Variants in ADAM9 observed in about 807,000 individuals in gnomAD.
The protein encoded by ADAM9 is ADAM metallopeptidase domain 9, also known as disintegrin and metalloproteinase domain-containing protein 9.
In ADAM9, 54 loss-of-function variants were observed where a neutral mutation model predicts 108.1. The observed-to-expected ratio is 0.50, with a 90% CI of 0.40 to 0.63. ADAM9 has a LOEUF of 0.63. Among genes scored for constraint, ADAM9 ranks in the 20% least tolerant of loss-of-function variants. The probability of loss-of-function intolerance (pLI) is 0.00; values close to 1 mark genes in which losing one functional copy is unlikely to be tolerated. For synonymous variants in ADAM9, 316 were observed against 336.0 expected (o/e 0.94, Z 0.65); for missense variants, 830 against 997.7 (o/e 0.83, Z 2.26).
intron 1 of ADAM9, among the ~76,000 whole-genome samples, chr8:38,999,942 A>C (rs1835944020): frequency 6.6e-6 from 1 of 152,040 alleles, no homozygotes; most frequent in Non-Finnish European, 1.5e-5. Flanking sequence ...GGAGGCTTGG[A>C]GTCATGCCAT....
intron 15 of ADAM9, among the ~76,000 whole-genome samples, chr8:39,071,797 A>T (rs1380670658): frequency 6.6e-6 from 1 of 152,112 alleles, no homozygotes; most frequent in Non-Finnish European, 1.5e-5. Context: ...GCTCTCTGTG[A>T]CCGCTGATTT....
intron 14 of ADAM9, among the ~76,000 whole-genome samples, chr8:39,059,181 T>C (rs934570533): frequency 6.6e-6 from 1 of 152,228 alleles, no homozygotes; most frequent in Non-Finnish European, 1.5e-5. Flanking sequence ...GGAGGAATTC[T>C]GTATGTCCAC....
intron 7 of ADAM9, among the ~76,000 whole-genome samples, chr8:39,020,276 C>A (rs1269459966): frequency 6.6e-6 from 1 of 152,052 alleles, no homozygotes; most frequent in African/African-American, 2.4e-5. Context: ...AAACAAAACA[C>A]ACACAAAATG....
chr8:39,028,151 T>TA (rs1210932714), intron 11 of ADAM9, among the ~76,000 whole-genome samples: 2 of 152,126 alleles, frequency 1.3e-5, no homozygotes, highest in East Asian at 3.9e-4. Flanking sequence ...TCATGCCACT[T>TA]CCCACCTCCC....
intron 1 of ADAM9, 49 bp from the exon 2 acceptor site, chr8:39,007,837 C>T (rs368438542): frequency 3.2e-5 from 40 of 1,256,740 alleles, no homozygotes; most frequent in South Asian, 7.2e-5. Flanking sequence ...TGTGTTCCCA[C>T]GTAGTTTTTC....
At chr8:39,088,721 A>G (rs1292975016) in intron 18 of ADAM9, among the ~76,000 whole-genome samples, 1 of 152,214 alleles carries the variant, frequency 6.6e-6, no homozygotes, top group Non-Finnish European at 1.5e-5. Flanking sequence ...CTTAAAATCT[A>G]GAAGGCGTAA....
At chr8:39,075,996 A>C (rs186244533) in intron 15 of ADAM9, 1 of 152,376 alleles carries the variant, frequency 6.6e-6, no homozygotes, top group East Asian at 1.9e-4. Flanking sequence ...ATGAAGACTT[A>C]ATAGCAGCAC....
chr8:39,078,261 T>C (rs967279855), intron 16 of ADAM9, among the ~76,000 whole-genome samples: 2 of 151,276 alleles, frequency 1.3e-5, no homozygotes, highest in African/African-American at 4.9e-5. Context: ...TAAACAATGA[T>C]AAGAGATATA....
intron 12 of ADAM9, 80 bp downstream of exon 12, chr8:39,042,197 C>A: frequency 6.7e-7 from 1 of 1,494,402 alleles, no homozygotes; most frequent in Non-Finnish European, 9.3e-7. Flanking sequence ...TTGGGCAACT[C>A]TGACATAGGA....
chr8:39,025,064 G>A (rs1836874977), intron 9 of ADAM9, among the ~76,000 whole-genome samples: 1 of 151,852 alleles, frequency 6.6e-6, no homozygotes, highest in African/African-American at 2.4e-5. Flanking sequence ...GGTGTGACTG[G>A]GGAGGCACAC....
At chr8:39,082,799 C>A in intron 17 of ADAM9, 78 bp downstream of exon 17, 2 of 1,415,272 alleles carry the variant, frequency 1.4e-6, no homozygotes, top group Non-Finnish European at 2.0e-6. Context: ...ATGAGAGTTC[C>A]CAGGATTTTC....
At chr8:39,078,914 G>C (rs1447181278) in intron 16 of ADAM9, among the ~76,000 whole-genome samples, 2 of 152,102 alleles carry the variant, frequency 1.3e-5, no homozygotes, top group Non-Finnish European at 2.9e-5. Flanking sequence ...TTTCCCTGCT[G>C]TACCTTTTCA....
chr8:39,091,785 C>A (rs368065820), intron 20 of ADAM9, among the ~76,000 whole-genome samples: 1 of 152,162 alleles, frequency 6.6e-6, no homozygotes, highest in Non-Finnish European at 1.5e-5. Flanking sequence ...CTGTGCCCTG[C>A]CCCCTGAGTT....
chr8:39,052,151 A>T (rs1341095020), intron 12 of ADAM9, among the ~76,000 whole-genome samples: 1 of 152,182 alleles, frequency 6.6e-6, no homozygotes, highest in Non-Finnish European at 1.5e-5. Flanking sequence ...CCATAGTCTT[A>T]CCAGCACAGG....
chr8:39,022,670 T>C (rs991131592), intron 8 of ADAM9, among the ~76,000 whole-genome samples: 14 of 152,154 alleles, frequency 9.2e-5, no homozygotes, highest in African/African-American at 3.4e-4. Context: ...GTTACTATTA[T>C]TTTATGGTTG....
At chr8:39,000,770 A>C (rs1007082354) in intron 1 of ADAM9, among the ~76,000 whole-genome samples, 2 of 152,166 alleles carry the variant, frequency 1.3e-5, no homozygotes, top group African/African-American at 4.8e-5. Context: ...CCTGGCCTTA[A>C]ATCACATCTT....
At chr8:39,054,178 G>A (rs1455522494) in intron 12 of ADAM9, among the ~76,000 whole-genome samples, 1 of 152,154 alleles carries the variant, frequency 6.6e-6, no homozygotes, top group African/African-American at 2.4e-5. Flanking sequence ...TGGATTTCTA[G>A]CCTCAAGAAC....
At chr8:39,002,312 CT>C (rs35517175) in intron 1 of ADAM9, among the ~76,000 whole-genome samples, 232 of 71,490 alleles carry the variant, frequency 3.2e-3, no homozygotes, top group South Asian at 0.016. Flanking sequence ...AGGTAGAATT[CT>C]TTTTTTTTTT....
At chr8:39,021,294 T>G (rs1243250186) in intron 7 of ADAM9, among the ~76,000 whole-genome samples, 1 of 152,134 alleles carries the variant, frequency 6.6e-6, no homozygotes, top group Non-Finnish European at 1.5e-5. Context: ...TTATTTTTAT[T>G]TTTTTTGAGA....
Sources: gnomAD v4.1 joint callset for allele counts (sites outside exome capture counted in the v4.1 genomes callset) on GRCh38, gnomAD v4.1.1 for gene constraint, MANE v1.5 for transcripts, NCBI Gene and HGNC (gene_info 2026-07-23, HGNC 2026-07-21) for gene names.